Variants in GZF1 observed in about 807,000 individuals in gnomAD.
GZF1 encodes GDNF-inducible zinc finger protein 1.
In GZF1, 28 loss-of-function variants were observed where a neutral mutation model predicts 49.4. The ratio of observed to expected loss-of-function variants is 0.57; its 90% CI spans 0.42 to 0.78. The LOEUF (loss-of-function observed/expected upper bound fraction) is 0.78. GZF1 is among the 30% of genes least tolerant of loss of function. The pLI, the probability that GZF1 is intolerant of heterozygous loss-of-function variation, is 0.00. For synonymous variants in GZF1, 364 were observed against 356.0 expected (o/e 1.02, Z -0.25); for missense variants, 798 against 916.2 (o/e 0.87, Z 1.67).
chr20:23,361,451 A>G (rs1040110887), upstream of GZF1, among the ~76,000 whole-genome samples: 2 of 152,230 alleles, frequency 1.3e-5, no homozygotes, highest in Admixed American at 1.3e-4. Flanking sequence ...GAAGTTCTGT[A>G]GTGAACAAAG....
rs1294693356 is a variant in GZF1, at chr20:23,370,169, A to G, written c.1864A>G (p.Thr622Ala). ...GCCCAAGAACGATGACGGACACAAGACTGAACAGCCTGACGAAGAGTATGT... is the reference window on the plus strand; with the variant it reads ...GCCCAAGAACGATGACGGACACAAGGCTGAACAGCCTGACGAAGAGTATGT... The part of the protein sequence containing the change: ...GSPKNDDGHK[T>A]EQPDEEYVSS... The change falls in exon 6 of 6, where the codon ACT (threonine) becomes GCT (alanine). Residue 622 changes from threonine to alanine, a missense_variant. Coordinates refer to ENST00000338121, the MANE Select transcript of GZF1 (RefSeq NM_022482.5). The G allele has an allele frequency of 6.2e-7, 1 of 1,614,104 alleles. No individual in the cohort carries two copies. The highest frequency in any genetic ancestry group is 8.5e-7 in the Non-Finnish European group (1 of 1,180,046).
intron 2 of GZF1, among the ~76,000 whole-genome samples, chr20:23,366,717 G>T (rs746551054): frequency 1.3e-5 from 2 of 152,130 alleles, no homozygotes; most frequent in African/African-American, 2.4e-5. Context: ...ATCTGCAAAG[G>T]CCTGGTCTCT....
Position 23,364,697 on chromosome 20 carries a change from G to A in GZF1, c.314G>A (p.Arg105Gln), listed in dbSNP as rs749264121. Residue 105 changes from arginine to glutamine, a missense_variant, in exon 2 of 6, where the codon CGG becomes CAG. Coordinates refer to ENST00000338121, the MANE Select transcript of GZF1 (RefSeq NM_022482.5). ...YTAKVQVEED[R>Q]VQRMLEVAEK... ...GCAAAGGTACAGGTGGAAGAAGATC[G>A]GGTGCAGCGAATGCTGGAAGTGGCT... is the stretch of plus-strand genomic sequence containing the variant. 43 of 1,614,248 alleles carry A rather than the reference G, an allele frequency of 2.7e-5. 1 individual carries two copies. In the South Asian group the frequency reaches 4.0e-4, roughly 15 times the overall value.
Position 23,372,737 on chromosome 20 carries a change from G to A in GZF1, c.*2296G>A, listed in dbSNP as rs1982197699. 6.6e-6 allele frequency: 1 copy of A among 152,244 alleles called. No homozygotes were observed. Among genetic ancestry groups the A allele is most frequent in the Non-Finnish European group, 1.5e-5 (1 of 68,076 alleles). 9.4% of individuals were successfully genotyped at this position (152,244 alleles called of 1,614,324 possible). On this transcript the variant is annotated 3_prime_UTR_variant, in exon 6 of 6. Coordinates refer to ENST00000338121, the MANE Select transcript of GZF1 (RefSeq NM_022482.5). ...TGGATTGGTCCCAAGTGTGTAATGA[G>A]GAAAGTGGCCAGGTGCCGGCACAGT...
At chr20:23,365,813 C>T in intron 2 of GZF1, 66 bp downstream of exon 2, 2 of 1,442,278 alleles carry the variant, frequency 1.4e-6, no homozygotes, top group Middle Eastern at 1.8e-4. Flanking sequence ...CTGAGGTCGT[C>T]CTGGGATTTG....
At chr20:23,362,511 G>A (rs1980793105) in intron 1 of GZF1, 1 of 153,880 alleles carries the variant, frequency 6.5e-6, no homozygotes, top group African/African-American at 2.4e-5. Context: ...GGGCGGCCAA[G>A]TGGCGCGGGA....
chr20:23,366,953 G>GC, intron 2 of GZF1, 50 bp from the exon 3 acceptor site: 1 of 1,304,026 alleles, frequency 7.7e-7, no homozygotes, highest in Non-Finnish European at 1.1e-6. Context: ...GTATTGCAAA[G>GC]TGAGCTTTGA....
intron 1 of GZF1, chr20:23,362,635 G>A (rs1054139433): frequency 5.9e-5 from 9 of 152,242 alleles, no homozygotes; most frequent in Non-Finnish European, 1.0e-4. Context: ...TCCTGGAAGG[G>A]CTCTGGCCCC....
Position 23,364,812 on chromosome 20 carries a change from C to A in GZF1, c.429C>A (p.Phe143Leu), listed in dbSNP as rs1325992591. The change falls in exon 2 of 6, where the codon TTC becomes TTA. Residue 143 changes from phenylalanine to leucine, a missense_variant. Coordinates refer to ENST00000338121, the MANE Select transcript of GZF1 (RefSeq NM_022482.5). ...CAGTACTTTTGGAGTTGCAAAATTTCTCAGAGTCTCAGGAGGTGGAGGTGA... is the reference window on the plus strand; with the variant it reads ...CAGTACTTTTGGAGTTGCAAAATTTATCAGAGTCTCAGGAGGTGGAGGTGA... ...LESVLLELQNFSESQEVEVSS... is the reference protein window; with the variant it reads ...LESVLLELQNLSESQEVEVSS... 4 of 1,614,122 alleles carry A rather than the reference C, an allele frequency of 2.5e-6. No individual in the cohort carries two copies. In the East Asian group the frequency reaches 6.7e-5, roughly 27 times the overall value.
At chr20:23,369,208 AGTGGAT>A (rs1426772266) in intron 4 of GZF1, among the ~76,000 whole-genome samples, 1 of 152,220 alleles carries the variant, frequency 6.6e-6, no homozygotes, top group African/African-American at 2.4e-5. Flanking sequence ...GAATGTAGGA[AGTGGAT>A]GTGGATGTGT....
chr20:23,369,144 C>A (rs1981763380), intron 4 of GZF1, among the ~76,000 whole-genome samples: 1 of 152,150 alleles, frequency 6.6e-6, no homozygotes, highest in Non-Finnish European at 1.5e-5. Context: ...AAGACTAAGT[C>A]CCTTTGCTAC....
chr20:23,366,882 C>T (rs1981457554), intron 2 of GZF1, 121 bp from the exon 3 acceptor site: 1 of 714,866 alleles, frequency 1.4e-6, no homozygotes, highest in African/African-American at 1.8e-5. Context: ...TGACCTGTCA[C>T]TACAGTCATT....
intron 4 of GZF1, 41 bp downstream of exon 4, chr20:23,368,970 CAAA>C: frequency 7.1e-7 from 1 of 1,406,434 alleles, no homozygotes; most frequent in Non-Finnish European, 9.6e-7. Flanking sequence ...TTAGTTTGGC[CAAA>C]AAAAAAATTC....
rs753648965 is a variant in GZF1, at chr20:23,364,927, G to C, written c.544G>C (p.Asp182His). 6 of 1,614,104 alleles carry C rather than the reference G, an allele frequency of 3.7e-6. No individual in the cohort carries two copies. The African/African-American group carries it at 5.3e-5, about 14-fold the overall frequency. The change falls in exon 2 of 6, where the codon GAC becomes CAC. Residue 182 changes from aspartate (D) to histidine (H), a missense_variant. Coordinates refer to ENST00000338121, the MANE Select transcript of GZF1 (RefSeq NM_022482.5). ...PHPSGLTDSL[D>H]YPGERASNGM... ...CCCCAGTGGTCTCACGGATTCCTTG[G>C]ACTACCCAGGAGAGAGAGCCAGCAA...
At chr20:23,361,980 G>A (rs995559511), upstream of GZF1, among the ~76,000 whole-genome samples, 3 of 152,190 alleles carry the variant, frequency 2.0e-5, no homozygotes, top group Non-Finnish European at 2.9e-5. Context: ...GACGCAATGC[G>A]GCGGGTGACG....
At chr20:23,366,458 T>A (rs1981405723) in intron 2 of GZF1, among the ~76,000 whole-genome samples, 3 of 150,506 alleles carry the variant, frequency 2.0e-5, no homozygotes, top group Non-Finnish European at 4.4e-5. Context: ...AAGTGCTCAG[T>A]AAATTATGTT....
chr20:23,362,114 G>A (rs1052082817), upstream of GZF1: 1 of 152,288 alleles, frequency 6.6e-6, no homozygotes, highest in African/African-American at 2.4e-5. Flanking sequence ...CGCGGGAGGG[G>A]AGGGGCCTGC....
intron 3 of GZF1, 98 bp downstream of exon 3, chr20:23,367,195 G>GT (rs2123058516): frequency 1.2e-6 from 1 of 814,452 alleles, no homozygotes; most frequent in African/African-American, 1.7e-5. Flanking sequence ...GGTGGTGCAG[G>GT]TTAAAGCCAT....
At chr20:23,368,950 G>A (rs748190523) in intron 4 of GZF1, 21 bp downstream of exon 4, 4 of 1,572,656 alleles carry the variant, frequency 2.5e-6, no homozygotes, top group Non-Finnish European at 3.4e-6. Flanking sequence ...AATGTCCCAG[G>A]GAAGGGAGTT....
Sources: allele counts gnomAD v4.1 joint callset (sites outside exome capture counted in the v4.1 genomes callset), GRCh38; gene constraint gnomAD v4.1.1; transcripts MANE v1.5; gene names NCBI Gene and HGNC (gene_info 2026-07-23, HGNC 2026-07-21).